HS6ST3: variants seen among roughly 807,000 people sequenced by gnomAD.
HS6ST3 encodes the protein heparan-sulfate 6-O-sulfotransferase 3.
HS6ST3 carries 12 observed loss-of-function variants against 36.7 expected under a neutral mutation model. The observed-to-expected ratio is 0.33, with a 90% CI of 0.21 to 0.53. HS6ST3 has a LOEUF of 0.53. Among genes scored for constraint, HS6ST3 ranks in the 20% least tolerant of loss-of-function variants. The probability of loss-of-function intolerance (pLI) is 0.95; values close to 1 mark genes in which losing one functional copy is unlikely to be tolerated. For synonymous variants in HS6ST3, 240 were observed against 257.5 expected (o/e 0.93, Z 0.65); for missense variants, 584 against 640.9 (o/e 0.91, Z 0.96).
intron 1 of HS6ST3, among the ~76,000 whole-genome samples, chr13:96,192,544 T>C (rs2054293214): frequency 6.6e-6 from 1 of 152,046 alleles, no homozygotes; most frequent in South Asian, 2.1e-4. Context: ...GAACTTGTGT[T>C]ATTTGGTTTT....
intron 1 of HS6ST3, among the ~76,000 whole-genome samples, chr13:96,129,904 A>T (rs1337023318): frequency 1.3e-5 from 2 of 152,096 alleles, no homozygotes; most frequent in Non-Finnish European, 2.9e-5. Context: ...TGGACTTCTT[A>T]CCTCCAGAAC....
At chr13:96,165,438 G>A (rs904335668) in intron 1 of HS6ST3, among the ~76,000 whole-genome samples, 1 of 152,198 alleles carries the variant, frequency 6.6e-6, no homozygotes, top group African/African-American at 2.4e-5. Context: ...GACAACTGGT[G>A]TGTTCTAGAC....
intron 1 of HS6ST3, among the ~76,000 whole-genome samples, chr13:96,655,200 C>T (rs2056620664): frequency 6.6e-6 from 1 of 152,088 alleles, no homozygotes; most frequent in South Asian, 2.1e-4. Flanking sequence ...TTCAGCTCAA[C>T]CGAACTTCTC....
At chr13:96,440,485 G>A (rs929789422) in intron 1 of HS6ST3, among the ~76,000 whole-genome samples, 139 of 90,770 alleles carry the variant, frequency 1.5e-3, no homozygotes, top group African/African-American at 5.9e-3. Flanking sequence ...GGGAGGGGAG[G>A]GGAGAGGAGA....
At chr13:96,364,682 A>G (rs1486975492) in intron 1 of HS6ST3, among the ~76,000 whole-genome samples, 2 of 152,186 alleles carry the variant, frequency 1.3e-5, no homozygotes, top group Non-Finnish European at 2.9e-5. Context: ...GGAAATGGAT[A>G]GTGGTGATGG....
chr13:96,233,824 A>G (rs973734146), intron 1 of HS6ST3, among the ~76,000 whole-genome samples: 30 of 152,182 alleles, frequency 2.0e-4, no homozygotes, highest in Non-Finnish European at 2.4e-4. Context: ...AATAGGAAAT[A>G]AAATTTATAG....
intron 1 of HS6ST3, among the ~76,000 whole-genome samples, chr13:96,776,019 A>T (rs1295303941): frequency 2.0e-5 from 3 of 152,190 alleles, no homozygotes; most frequent in Non-Finnish European, 2.9e-5. Context: ...TCAAATTAGA[A>T]CTCAGGATTA....
chr13:96,528,548 C>T (rs765602467), intron 1 of HS6ST3, among the ~76,000 whole-genome samples: 2 of 152,124 alleles, frequency 1.3e-5, no homozygotes, highest in African/African-American at 2.4e-5. Flanking sequence ...CTGCATAACT[C>T]AATGAACCTA....
At chr13:96,800,761 A>G (rs1248167917) in intron 1 of HS6ST3, among the ~76,000 whole-genome samples, 2 of 151,892 alleles carry the variant, frequency 1.3e-5, no homozygotes, top group Non-Finnish European at 2.9e-5. Flanking sequence ...CCCCTTCTCA[A>G]GAACTTTACT....
chr13:96,254,448 A>AAT (rs869064004), intron 1 of HS6ST3, among the ~76,000 whole-genome samples: 12 of 16,532 alleles, frequency 7.3e-4, no homozygotes, highest in Admixed American at 1.3e-3. Context: ...AAAAAAAAAA[A>AAT]ATATATATAT....
intron 1 of HS6ST3, among the ~76,000 whole-genome samples, chr13:96,335,861 A>C (rs17679013): frequency 0.023 from 3,430 of 152,356 alleles, 51 homozygotes; most frequent in Non-Finnish European, 0.036. Flanking sequence ...TGTCAGGGGT[A>C]GAATAATTCC....
At position 96,409,020 on chromosome 13, in the gene HS6ST3, A is replaced by G. The variant is rs922220388; in HGVS notation, c.707+317451A>G. ...GAATGTGCCATTTGAGTTATTAGAA[A>G]AAAAGAAATGAATAGAAACACCCAA... On this transcript the variant is annotated intron_variant, in intron 1 of 1. Transcript: ENST00000376705. 3.5e-4 allele frequency among the ~76,000 whole-genome samples: 54 copies of G among 152,270 alleles called. 1 individual carries two copies. The highest frequency in any genetic ancestry group is 7.3e-5 in the Non-Finnish European group (5 of 68,046).
chr13:96,464,064 C>T (rs1164223257), intron 1 of HS6ST3, among the ~76,000 whole-genome samples: 2 of 122,790 alleles, frequency 1.6e-5, no homozygotes, highest in Admixed American at 1.0e-4. Flanking sequence ...AGAAATTGAC[C>T]CTTCTGGTTT....
intron 1 of HS6ST3, among the ~76,000 whole-genome samples, chr13:96,252,100 T>C (rs561809626): frequency 2.9e-4 from 44 of 152,320 alleles, no homozygotes; most frequent in African/African-American, 1.0e-3. Context: ...AGTTTTCTTA[T>C]TAATTTTGTG....
chr13:96,216,945 G>T (rs2054429215), intron 1 of HS6ST3, among the ~76,000 whole-genome samples: 1 of 152,164 alleles, frequency 6.6e-6, no homozygotes, highest in East Asian at 1.9e-4. Flanking sequence ...CGTTTTCCCT[G>T]CTCCTTCCGA....
intron 1 of HS6ST3, among the ~76,000 whole-genome samples, chr13:96,434,642 A>G (rs1394960228): frequency 6.6e-6 from 1 of 151,392 alleles, no homozygotes; most frequent in East Asian, 2.0e-4. Flanking sequence ...TTGACCTCAC[A>G]AGCTCTGCCA....
At chr13:96,388,483 G>A (rs1015058463) in intron 1 of HS6ST3, among the ~76,000 whole-genome samples, 4 of 152,230 alleles carry the variant, frequency 2.6e-5, no homozygotes, top group African/African-American at 7.2e-5. Flanking sequence ...CGAGTAGGTT[G>A]TGTAAACAAT....
intron 1 of HS6ST3, among the ~76,000 whole-genome samples, chr13:96,173,697 A>C (rs2054199319): frequency 7.1e-6 from 1 of 140,634 alleles, no homozygotes; most frequent in Non-Finnish European, 1.5e-5. Flanking sequence ...AAAAAAATGG[A>C]GTCCAGAGGA....
chr13:96,353,833 A>G (rs2055196806), intron 1 of HS6ST3, among the ~76,000 whole-genome samples: 1 of 152,250 alleles, frequency 6.6e-6, no homozygotes, highest in African/African-American at 2.4e-5. Flanking sequence ...TTATAAACAT[A>G]CAAAAAGTAC....
Sources: allele counts gnomAD v4.1 joint callset (sites outside exome capture counted in the v4.1 genomes callset), GRCh38; gene constraint gnomAD v4.1.1; transcripts MANE v1.5; gene names NCBI Gene and HGNC (gene_info 2026-07-23, HGNC 2026-07-21).